The following BCKDHB variants were observed in gnomAD, a reference collection of about 807,000 sequenced individuals.
BCKDHB encodes branched chain keto acid dehydrogenase E1 subunit beta.
In BCKDHB, 41 loss-of-function variants were observed where a neutral mutation model predicts 48.5. The observed-to-expected ratio is 0.85, with a 90% confidence interval of 0.66 to 1.10. The LOEUF (loss-of-function observed/expected upper bound fraction) is 1.10, where lower values mean the gene tolerates loss of function less well. Ranked by LOEUF, BCKDHB falls within the 50% of genes least tolerant of loss-of-function variation. The pLI, the probability that BCKDHB is intolerant of heterozygous loss-of-function variation, is 0.00. For missense variants in BCKDHB, 496 were observed against 494.2 expected (o/e 1.00, Z -0.03); for synonymous variants, 201 against 174.8 (o/e 1.15, Z -1.18).
chr6:80,181,667 C>T (rs1412417199), intron 6 of BCKDHB, among the ~76,000 whole-genome samples: 1 of 152,182 alleles, frequency 6.6e-6, no homozygotes, highest in Non-Finnish European at 1.5e-5. Flanking sequence ...CAAGCTTGTT[C>T]ACCTGGTGGA....
intron 5 of BCKDHB, chr6:80,169,882 C>T (rs763434453): frequency 1.1e-5 from 18 of 1,594,820 alleles, no homozygotes; most frequent in Middle Eastern, 1.7e-4. Context: ...AAGTTGTAGA[C>T]TGGGAAAGAA....
At chr6:80,133,171 G>T (rs1770716081) in intron 3 of BCKDHB, among the ~76,000 whole-genome samples, 1 of 152,186 alleles carries the variant, frequency 6.6e-6, no homozygotes, top group Admixed American at 6.5e-5. Flanking sequence ...ATCCCTGTTG[G>T]CATTGTGCCA....
chr6:80,180,784 C>T (rs539618503), intron 6 of BCKDHB, among the ~76,000 whole-genome samples: 12 of 152,100 alleles, frequency 7.9e-5, no homozygotes, highest in Middle Eastern at 3.4e-3. Context: ...TATCAGTGTA[C>T]GTAAAGAGAG....
At chr6:80,129,355 C>G (rs1404763073) in intron 3 of BCKDHB, 126 bp downstream of exon 3, 2 of 749,894 alleles carry the variant, frequency 2.7e-6, no homozygotes, top group Non-Finnish European at 2.3e-6. Context: ...TTTTCATTTC[C>G]AACGCCACCC....
downstream of BCKDHB, among the ~76,000 whole-genome samples, chr6:80,348,405 G>C (rs903260819): frequency 2.6e-5 from 4 of 152,080 alleles, no homozygotes; most frequent in South Asian, 8.3e-4. Context: ...TAGCATCCCG[G>C]CCTCCAACTT....
In BCKDHB at chr6:80,171,401, T is replaced by C. The variant is rs1489514836; in HGVS notation, c.742+11T>C. 1 of 1,521,998 alleles carries C rather than the reference T, an allele frequency of 6.6e-7. No individual in the cohort carries two copies. The highest frequency in any genetic ancestry group is 1.4e-5 in the African/African-American group (1 of 72,864). The allele number at this position is 1,521,998 out of a possible 1,614,324, so 94.3% of individuals were successfully genotyped here. On this transcript the variant is annotated intron_variant, in intron 6 of 9. Transcript: ENST00000320393. ...TTTACAGGGCAGCAGGTAAAGATTT[T>C]CTTTATTTTATATTTGTGAATATCT... is the stretch of plus-strand genomic sequence containing the variant.
intron 9 of BCKDHB, among the ~76,000 whole-genome samples, chr6:80,300,647 C>T (rs1767532684): frequency 6.6e-6 from 1 of 152,156 alleles, no homozygotes; most frequent in African/African-American, 2.4e-5. Context: ...AACATGTGAC[C>T]AACTGGACCA....
chr6:80,363,633 A>G, the BCKDHB span, among the ~76,000 whole-genome samples: 1 of 152,222 alleles, frequency 6.6e-6, no homozygotes, highest in Admixed American at 6.5e-5. Flanking sequence ...ACACTGTCAT[A>G]CATACTTTAT....
intron 9 of BCKDHB, among the ~76,000 whole-genome samples, chr6:80,320,721 C>T (rs192636033): frequency 1.8e-3 from 271 of 152,192 alleles, no homozygotes; most frequent in Non-Finnish European, 2.5e-3. Flanking sequence ...AATTGATAGG[C>T]AATTATGATT....
At chr6:80,395,064 C>A in the BCKDHB span, among the ~76,000 whole-genome samples, 3 of 152,150 alleles carry the variant, frequency 2.0e-5, no homozygotes. Context: ...ATCAATTAAA[C>A]CACTTTTCAT....
At chr6:80,444,997 T>A in the BCKDHB span, among the ~76,000 whole-genome samples, 1 of 152,222 alleles carries the variant, frequency 6.6e-6, no homozygotes, top group Non-Finnish European at 1.5e-5. Flanking sequence ...GTTGTGGCTG[T>A]CTATAGAAAT....
chr6:80,398,901 T>C, the BCKDHB span, among the ~76,000 whole-genome samples: 1 of 152,098 alleles, frequency 6.6e-6, no homozygotes, highest in South Asian at 2.1e-4. Context: ...TCCACCACGA[T>C]CAAGTAGGCT....
the BCKDHB span, among the ~76,000 whole-genome samples, chr6:80,428,546 T>G: frequency 6.6e-6 from 1 of 152,218 alleles, no homozygotes; most frequent in East Asian, 1.9e-4. Context: ...GTTTCCTGAC[T>G]TTTTAATGAA....
the BCKDHB span, among the ~76,000 whole-genome samples, chr6:80,459,567 TATC>T: frequency 6.6e-6 from 1 of 152,178 alleles, no homozygotes; most frequent in South Asian, 2.1e-4. Context: ...ACGTTGTACT[TATC>T]ATCAACAATG....
At chr6:80,273,803 C>T (rs1777854028) in intron 9 of BCKDHB, among the ~76,000 whole-genome samples, 1 of 151,830 alleles carries the variant, frequency 6.6e-6, no homozygotes, top group South Asian at 2.1e-4. Context: ...TAAGATGCCA[C>T]ATATCAGGAA....
intron 8 of BCKDHB, among the ~76,000 whole-genome samples, chr6:80,248,902 A>ATG (rs3077568): frequency 0.032 from 4,710 of 146,752 alleles, 172 homozygotes; most frequent in East Asian, 0.11. Context: ...GTGTGTGTGT[A>ATG]TGTGTGTGTG....
the BCKDHB span, among the ~76,000 whole-genome samples, chr6:80,404,165 ATGT>A: frequency 6.6e-6 from 1 of 151,972 alleles, no homozygotes; most frequent in East Asian, 1.9e-4. Flanking sequence ...AAGTCTTTAA[ATGT>A]TGTTAGAACT....
rs764707388 is a variant in BCKDHB at position 80,273,152 on chromosome 6, G to A, written c.969G>A (p.Gly323=). The change falls in exon 9 of 10, where the codon GGG becomes GGA. Residue 323 remains glycine (G), a synonymous_variant. Transcript: ENST00000320393. Reference sequence around the variant, plus strand: ...TCTTTCAGTCTGTGATCAAAACAGGGCGACTGCTAATCAGTCACGAGGCTC... The same window carrying A: ...TCTTTCAGTCTGTGATCAAAACAGGACGACTGCTAATCAGTCACGAGGCTC... ...DTICKSVIKT[G]RLLISHEAPL... 3.7e-6 allele frequency: 6 copies of A among 1,613,326 alleles called. No homozygotes were observed. The South Asian group carries it at 5.5e-5, about 15-fold the overall frequency.
At chr6:80,133,379 A>G (rs1770726541) in intron 3 of BCKDHB, among the ~76,000 whole-genome samples, 1 of 152,230 alleles carries the variant, frequency 6.6e-6, no homozygotes, top group Admixed American at 6.5e-5. Context: ...ATGAGTGTGG[A>G]TTTAGTACCA....
Sources: allele counts gnomAD v4.1 joint callset (sites outside exome capture counted in the v4.1 genomes callset), GRCh38; gene constraint gnomAD v4.1.1; transcripts MANE v1.5; gene names NCBI Gene and HGNC (gene_info 2026-07-23, HGNC 2026-07-21).